Variants in SLIT3 observed in about 807,000 individuals in gnomAD.
SLIT3 encodes the protein slit guidance ligand 3.
In SLIT3, 68 loss-of-function variants were observed where a neutral mutation model predicts 184.0. The observed-to-expected ratio is 0.37, with a 90% CI of 0.30 to 0.45. The LOEUF (loss-of-function observed/expected upper bound fraction) is 0.45, where lower values mean the gene tolerates loss of function less well. Among genes scored for constraint, SLIT3 ranks in the 20% least tolerant of loss-of-function variants. The pLI, the probability that SLIT3 is intolerant of heterozygous loss-of-function variation, is 1.00. For synonymous variants in SLIT3, 831 were observed against 828.6 expected, an observed-to-expected ratio of 1.00 and a Z score of -0.05; for missense variants, 1,707 against 2,026.0, an observed-to-expected ratio of 0.84 and a Z score of 3.02.
chr5:169,282,064 T>C (rs1767016256), intron 1 of SLIT3, among the ~76,000 whole-genome samples: 1 of 152,326 alleles, frequency 6.6e-6, no homozygotes, highest in East Asian at 1.9e-4. Flanking sequence ...CTGAGCTACG[T>C]GGAAGTTTCC....
At chr5:168,987,923 T>C (rs1160206750) in intron 4 of SLIT3, among the ~76,000 whole-genome samples, 2 of 152,240 alleles carry the variant, frequency 1.3e-5, no homozygotes, top group Admixed American at 1.3e-4. Flanking sequence ...GCACTACCTG[T>C]ACACATGGGA....
intron 3 of SLIT3, among the ~76,000 whole-genome samples, chr5:169,212,667 T>A (rs1231808146): frequency 6.6e-6 from 1 of 152,196 alleles, no homozygotes; most frequent in Non-Finnish European, 1.5e-5. Context: ...GCTTTAGACA[T>A]GGTGTTTTAG....
At chr5:168,794,356 C>CTGTAATACCTG (rs57943176) in intron 10 of SLIT3, among the ~76,000 whole-genome samples, 61,263 of 151,856 alleles carry the variant, frequency 0.4, 14,258 homozygotes, top group African/African-American at 0.65. Context: ...CTGTGCAGAA[C>CTGTAATACCTG]TGATGGCAAT....
intron 5 of SLIT3, among the ~76,000 whole-genome samples, chr5:168,850,514 A>C (rs1758630597): frequency 6.6e-6 from 1 of 152,230 alleles, no homozygotes; most frequent in African/African-American, 2.4e-5. Context: ...TCTGACGTTT[A>C]ATGTGGTATA....
At chr5:169,239,521 C>T (rs1468475658) in intron 3 of SLIT3, among the ~76,000 whole-genome samples, 2 of 151,742 alleles carry the variant, frequency 1.3e-5, no homozygotes, top group African/African-American at 4.9e-5. Flanking sequence ...TCTATTCCTT[C>T]CTGTTTCTAT....
intron 4 of SLIT3, among the ~76,000 whole-genome samples, chr5:169,134,483 C>T (rs1761423682): frequency 6.6e-6 from 1 of 152,208 alleles, no homozygotes; most frequent in Admixed American, 6.5e-5. Context: ...CCCATAGCTG[C>T]CTCATTCTTT....
chr5:168,774,476 A>G, intron 12 of SLIT3, 98 bp from the exon 13 acceptor site: 1 of 1,274,388 alleles, frequency 7.8e-7, no homozygotes, highest in East Asian at 2.3e-5. Context: ...AGCTCCCATC[A>G]CTCATCCTTG....
chr5:168,685,585 G>C (rs1257209722), intron 31 of SLIT3, 102 bp downstream of exon 31: 1 of 1,400,136 alleles, frequency 7.1e-7, no homozygotes, highest in Non-Finnish European at 9.5e-7. Flanking sequence ...TGTCCCTGAT[G>C]GTGCTTTACT....
chr5:168,873,792 G>C (rs1759627869), intron 5 of SLIT3, among the ~76,000 whole-genome samples: 1 of 151,880 alleles, frequency 6.6e-6, no homozygotes, highest in Admixed American at 6.6e-5. Context: ...CATAGGTAGT[G>C]AGAGGCAAAG....
At chr5:168,796,964 G>A (rs561567337) in intron 9 of SLIT3, among the ~76,000 whole-genome samples, 2 of 152,092 alleles carry the variant, frequency 1.3e-5, no homozygotes, top group African/African-American at 4.8e-5. Flanking sequence ...GAGAGAGGGA[G>A]TATCAGGACA....
intron 1 of SLIT3, among the ~76,000 whole-genome samples, chr5:169,274,822 C>G (rs78220911): frequency 0.064 from 9,770 of 152,276 alleles, 465 homozygotes; most frequent in East Asian, 0.26. Context: ...GATTCAAATA[C>G]TTACCAGTTG....
intron 20 of SLIT3, among the ~76,000 whole-genome samples, chr5:168,747,826 T>A (rs1280370550): frequency 1.3e-5 from 2 of 152,098 alleles, no homozygotes; most frequent in East Asian, 3.8e-4. Context: ...GGCCGCATGC[T>A]TGACAGGGCT....
rs72829608 is a variant in SLIT3, at chr5:168,925,041, C to A, written c.414-41705G>T. On this transcript the variant is annotated intron_variant, in intron 4 of 35. Transcript: ENST00000519560. ...CACCTTCTAAGAGCCAGGAACTGTG[C>A]TAGGAGTGTTAGCTTGTTATTTTCT... 1.5e-3 allele frequency among the ~76,000 whole-genome samples: 222 copies of A among 152,302 alleles called. 1 individual carries two copies. Among genetic ancestry groups the A allele is most frequent in the Non-Finnish European group, 2.7e-3 (184 of 68,020 alleles).
At chr5:168,787,025 G>T (rs969027297) in intron 11 of SLIT3, among the ~76,000 whole-genome samples, 2 of 152,136 alleles carry the variant, frequency 1.3e-5, no homozygotes, top group Admixed American at 1.3e-4. Flanking sequence ...ATTAGGATGC[G>T]GAAATGGTAA....
At chr5:168,736,202 A>C (rs1236939978) in intron 20 of SLIT3, among the ~76,000 whole-genome samples, 1 of 152,148 alleles carries the variant, frequency 6.6e-6, no homozygotes, top group African/African-American at 2.4e-5. Flanking sequence ...GAACTCAATG[A>C]ATGGAAGGGA....
chr5:169,182,572 T>A lies in SLIT3; in HGVS notation c.413+10907A>T, dbSNP rs113144660. ...AAATACTATTTGTCCCCTGGAGGGA[T>A]TCCCAAATGTTGGTTGAAAATGAGA... is the stretch of plus-strand genomic sequence containing the variant. On this transcript the variant is annotated intron_variant, in intron 4 of 35. Transcript: ENST00000519560. Among the ~76,000 whole-genome samples the A allele has an allele frequency of 8.4e-3, 1,284 of 152,346 alleles. 16 individuals carry two copies. Among genetic ancestry groups the A allele is most frequent in the African/African-American group, 0.027 (1,110 of 41,594 alleles).
intron 4 of SLIT3, among the ~76,000 whole-genome samples, chr5:169,062,320 C>T (rs1758198904): frequency 6.6e-6 from 1 of 152,194 alleles, no homozygotes; most frequent in Non-Finnish European, 1.5e-5. Context: ...AAATCTACCC[C>T]ATTTGTTTAG....
chr5:168,947,637 G>A (rs1762523851), intron 4 of SLIT3, among the ~76,000 whole-genome samples: 1 of 152,150 alleles, frequency 6.6e-6, no homozygotes, highest in African/African-American at 2.4e-5. Context: ...GTGGGGGCCT[G>A]GTTCTTCATA....
At chr5:169,169,877 A>G (rs998162623) in intron 4 of SLIT3, among the ~76,000 whole-genome samples, 1 of 152,218 alleles carries the variant, frequency 6.6e-6, no homozygotes, top group Non-Finnish European at 1.5e-5. Context: ...AGAAACTTCA[A>G]GTCCTGATCT....
Sources: gnomAD v4.1 joint callset for allele counts (sites outside exome capture counted in the v4.1 genomes callset) on GRCh38, gnomAD v4.1.1 for gene constraint, MANE v1.5 for transcripts, NCBI Gene and HGNC (gene_info 2026-07-23, HGNC 2026-07-21) for gene names.